CHIA: variants seen among roughly 807,000 people sequenced by gnomAD.
CHIA encodes acidic mammalian chitinase.
Under a neutral mutation model 53.5 loss-of-function variants are expected in CHIA, and 47 were observed. The observed-to-expected ratio is 0.88, with a 90% CI of 0.70 to 1.12. The LOEUF is 1.12. CHIA is among the 50% of genes most tolerant of loss of function. The pLI is 0.00. For missense variants in CHIA, 652 were observed against 592.2 expected (o/e 1.10, Z -1.05); for synonymous variants, 268 against 222.2 (o/e 1.21, Z -1.83).
At chr1:111,314,424 G>T (rs1207346924) in intron 4 of CHIA, 116 bp from the exon 5 acceptor site, 3 of 662,770 alleles carry the variant, frequency 4.5e-6, no homozygotes, top group South Asian at 2.1e-5. Context: ...GAGGAAAATT[G>T]TTCTACAAAA....
chr1:111,291,803 A>G (rs907557596), intron 1 of CHIA, among the ~76,000 whole-genome samples: 1 of 107,562 alleles, frequency 9.3e-6, no homozygotes, highest in African/African-American at 3.6e-5. Flanking sequence ...AGACACAGGG[A>G]GGGGAGCAAC....
chr1:111,300,533 A>G (rs1243779579), intron 1 of CHIA, among the ~76,000 whole-genome samples: 2 of 152,230 alleles, frequency 1.3e-5, no homozygotes, highest in African/African-American at 2.4e-5. Context: ...AGCCATATGT[A>G]GGAAGCTGAA....
intron 4 of CHIA, among the ~76,000 whole-genome samples, chr1:111,312,754 T>G (rs1648790634): frequency 6.6e-6 from 1 of 152,114 alleles, no homozygotes; most frequent in Non-Finnish European, 1.5e-5. Flanking sequence ...TATTCCTCAT[T>G]TCTAACTGAA....
Position 111,317,725 on chromosome 1 carries a change from G to A in CHIA, c.525G>A (p.Lys175=). ...AFEQEAKQIN[K]PRLMVTAAVA... ...AGCAGGAGGCCAAGCAGATCAACAAGCCCAGGCTGATGGTCACTGCTGCAG... is the reference window on the plus strand; with the variant it reads ...AGCAGGAGGCCAAGCAGATCAACAAACCCAGGCTGATGGTCACTGCTGCAG... The change falls in exon 7 of 12, where the codon AAG becomes AAA. Residue 175 remains lysine, a synonymous_variant. Coordinates refer to ENST00000369740, the MANE Select transcript of CHIA (RefSeq NM_201653.4). 1 of 1,614,060 alleles carries A rather than the reference G, an allele frequency of 6.2e-7. No homozygotes were observed.
chr1:111,302,007 A>G (rs1004787518), intron 1 of CHIA, among the ~76,000 whole-genome samples: 1 of 152,212 alleles, frequency 6.6e-6, no homozygotes, highest in Admixed American at 6.5e-5. Context: ...TAGCTATGTA[A>G]CAAACCTGCA....
chr1:111,306,074 C>T (rs1276599702), intron 1 of CHIA, among the ~76,000 whole-genome samples: 1 of 152,162 alleles, frequency 6.6e-6, no homozygotes, highest in East Asian at 1.9e-4. Flanking sequence ...TTAACAGACA[C>T]TTTCAAAGAT....
intron 1 of CHIA, among the ~76,000 whole-genome samples, chr1:111,296,910 G>A (rs1197777335): frequency 2.0e-5 from 3 of 152,206 alleles, no homozygotes; most frequent in East Asian, 1.9e-4. Context: ...ACCATGGCAC[G>A]AGAACTTCGT....
chr1:111,317,437 C>T, intron 6 of CHIA: 1 of 397,590 alleles, frequency 2.5e-6, no homozygotes, highest in Non-Finnish European at 4.7e-6. Flanking sequence ...TCATGACCTA[C>T]CTACTAACTC....
At chr1:111,298,832 G>A (rs1647443469) in intron 1 of CHIA, among the ~76,000 whole-genome samples, 1 of 152,134 alleles carries the variant, frequency 6.6e-6, no homozygotes, top group Non-Finnish European at 1.5e-5. Context: ...AAAATTGATA[G>A]ACTGCTAGCA....
Position 111,319,235 on chromosome 1 carries a change from T to A in CHIA, c.1031T>A (p.Ile344Asn). Residue 344 changes from isoleucine to asparagine, a missense_variant, in exon 10 of 12, where the codon ATT becomes AAT. Physicochemically the swap from Ile to Asn is moderately radical, Grantham distance 149. Coordinates refer to ENST00000369740, the MANE Select transcript of CHIA (RefSeq NM_201653.4). ...VGYDNIKSFDIKAQWLKHNKF... is the reference protein window; with the variant it reads ...VGYDNIKSFDNKAQWLKHNKF... ...TATGACAACATCAAGAGCTTCGATA[T>A]TAAGGTAAGATCAGTCCCTTAAATG... The A allele has an allele frequency of 6.2e-7, 1 of 1,614,218 alleles. No homozygotes were observed. The highest frequency in any genetic ancestry group is 8.5e-7 in the Non-Finnish European group (1 of 1,180,038).
chr1:111,315,301 C>T lies in CHIA; in HGVS notation c.346C>T (p.Arg116Cys), dbSNP rs543573136. ...FTAMVSTPEN[R>C]QTFITSVIKF... is the part of the protein sequence containing the mutation. Reference sequence around the variant, plus strand: ...TGCCATGGTTTCTACTCCTGAGAACCGCCAGACTTTCATCACCTCAGTCAT... The same window carrying T: ...TGCCATGGTTTCTACTCCTGAGAACTGCCAGACTTTCATCACCTCAGTCAT... Residue 116 changes from arginine to cysteine, a missense_variant, in exon 6 of 12, where the codon CGC becomes TGC. Arg to Cys is a radical substitution (Grantham distance 180). Transcript: ENST00000369740. 3.3e-5 allele frequency: 53 copies of T among 1,612,752 alleles called. No individual in the cohort carries two copies. The highest frequency in any genetic ancestry group is 2.4e-4 in the South Asian group (22 of 91,020).
chr1:111,312,426 T>C (rs1220023700), intron 4 of CHIA, 35 bp downstream of exon 4: 3 of 1,501,482 alleles, frequency 2.0e-6, no homozygotes, highest in Non-Finnish European at 2.8e-6. Flanking sequence ...TGGCATCCCC[T>C]TTTTCAGTAC....
chr1:111,296,792 G>A (rs537836819), intron 1 of CHIA, among the ~76,000 whole-genome samples: 1 of 152,264 alleles, frequency 6.6e-6, no homozygotes, highest in East Asian at 1.9e-4. Flanking sequence ...AAATGAGCAT[G>A]TTTGAACCCA....
intron 6 of CHIA, chr1:111,315,669 T>C (rs2786155): frequency 0.42 from 241,171 of 568,834 alleles, 52,571 homozygotes; most frequent in South Asian, 0.54. Flanking sequence ...GAACCATAAC[T>C]CATTTCATCT....
rs773707736 is a variant in CHIA, at chr1:111,319,389, C to T, written c.1098C>T (p.Asp366=). ...GAMVWAIDLD[D]FTGTFCNQGK... ...TGGTCTGGGCCATTGATCTGGATGA[C>T]TTCACTGGCACTTTCTGCAACCAGG... Residue 366 remains aspartate, a synonymous_variant, in exon 11 of 12, where the codon GAC becomes GAT. Coordinates refer to ENST00000369740, the MANE Select transcript of CHIA (RefSeq NM_201653.4). The T allele has an allele frequency of 3.1e-6, 5 of 1,614,096 alleles. No homozygotes were observed. The highest frequency in any genetic ancestry group is 4.2e-6 in the Non-Finnish European group (5 of 1,179,932).
At chr1:111,309,021 G>C (rs959254869) in intron 1 of CHIA, among the ~76,000 whole-genome samples, 3 of 152,176 alleles carry the variant, frequency 2.0e-5, no homozygotes, top group Non-Finnish European at 4.4e-5. Flanking sequence ...ACTAGGGCCT[G>C]TCAGTGGGGG....
At chr1:111,293,158 T>C (rs561383957) in intron 1 of CHIA, among the ~76,000 whole-genome samples, 47 of 152,256 alleles carry the variant, frequency 3.1e-4, no homozygotes, top group Non-Finnish European at 5.6e-4. Flanking sequence ...GGAACTTCCA[T>C]ACTGTTTTCC....
At chr1:111,307,118 T>A (rs547384776) in intron 1 of CHIA, among the ~76,000 whole-genome samples, 1 of 152,316 alleles carries the variant, frequency 6.6e-6, no homozygotes, top group Non-Finnish European at 1.5e-5. Context: ...CTGGAAAAAC[T>A]GTTGTAAATG....
intron 1 of CHIA, among the ~76,000 whole-genome samples, chr1:111,300,895 A>G (rs1175352227): frequency 6.6e-6 from 1 of 152,218 alleles, no homozygotes; most frequent in Non-Finnish European, 1.5e-5. Flanking sequence ...AAAAAAACAA[A>G]CAACCCCATC....
Sources: gnomAD v4.1 joint callset for allele counts (sites outside exome capture counted in the v4.1 genomes callset) on GRCh38, gnomAD v4.1.1 for gene constraint, MANE v1.5 for transcripts, NCBI Gene and HGNC (gene_info 2026-07-23, HGNC 2026-07-21) for gene names.